The following APBB2 variants were observed in gnomAD, a reference collection of about 807,000 sequenced individuals.
APBB2 encodes Fe65-like 1.
Under a neutral mutation model 82.5 loss-of-function variants are expected in APBB2, and 38 were observed. The observed-to-expected ratio is 0.46, with a 90% confidence interval of 0.36 to 0.60. The LOEUF (loss-of-function observed/expected upper bound fraction) is 0.60. Among genes scored for constraint, APBB2 ranks in the 20% least tolerant of loss-of-function variants. The pLI, the probability that APBB2 is intolerant of heterozygous loss-of-function variation, is 0.00. For missense variants in APBB2, 772 were observed against 972.3 expected, an observed-to-expected ratio of 0.79 and a Z score of 2.74; for synonymous variants, 341 against 368.2, an observed-to-expected ratio of 0.93 and a Z score of 0.85.
chr4:40,837,192 T>G (rs1754239972), intron 12 of APBB2, among the ~76,000 whole-genome samples: 1 of 151,960 alleles, frequency 6.6e-6, no homozygotes, highest in Non-Finnish European at 1.5e-5. Context: ...GAGGAAAGAG[T>G]GTGTCGGGTG....
chr4:40,900,091 AACGAAAAGAGTTC>A (rs1471961638), intron 10 of APBB2, among the ~76,000 whole-genome samples: 1 of 152,240 alleles, frequency 6.6e-6, no homozygotes, highest in African/African-American at 2.4e-5. Flanking sequence ...GATGTTAGAA[AACGAAAAGAGTTC>A]ACATCAAAAA....
chr4:41,106,781 T>A (rs1747420783), intron 2 of APBB2, among the ~76,000 whole-genome samples: 1 of 152,120 alleles, frequency 6.6e-6, no homozygotes, highest in Non-Finnish European at 1.5e-5. Flanking sequence ...TGGCCTAGAT[T>A]AGGTACATTT....
chr4:40,871,438 C>G (rs1765499643), intron 12 of APBB2, among the ~76,000 whole-genome samples: 1 of 152,264 alleles, frequency 6.6e-6, no homozygotes, highest in African/African-American at 2.4e-5. Flanking sequence ...AGCCACCGCA[C>G]CCGGCCTCAA....
At chr4:41,084,269 A>G (rs1042015750) in intron 3 of APBB2, among the ~76,000 whole-genome samples, 4 of 152,156 alleles carry the variant, frequency 2.6e-5, no homozygotes, top group Non-Finnish European at 5.9e-5. Flanking sequence ...TACTGAAAAT[A>G]CAAAATTAAC....
At position 40,903,473 on chromosome 4, in the gene APBB2, AT is replaced by A. The variant is rs1775891784; in HGVS notation, c.1255-10063del. On this transcript the variant is annotated intron_variant, in intron 10 of 17. Coordinates refer to ENST00000508593, the MANE Select transcript of APBB2 (RefSeq NM_004307.2). ...CAGAGTGAGACTCCGTCTCAAAAAA[AT>A]AAATAGATAAAAAATGATGCAAGAA... is the stretch of plus-strand genomic sequence containing the variant. Among the ~76,000 whole-genome samples, 4 of 152,208 alleles carry A rather than the reference AT, an allele frequency of 2.6e-5. No individual in the cohort carries two copies. In the South Asian group the frequency reaches 8.3e-4, roughly 32 times the overall value.
chr4:41,202,647 G>C (rs7691440), intron 1 of APBB2, among the ~76,000 whole-genome samples: 1 of 151,960 alleles, frequency 6.6e-6, no homozygotes, highest in African/African-American at 2.4e-5. Context: ...TTCACATTGC[G>C]TTGTTTAACT....
At chr4:40,921,333 G>A (rs1781205760) in intron 10 of APBB2, among the ~76,000 whole-genome samples, 2 of 152,316 alleles carry the variant, frequency 1.3e-5, no homozygotes, top group South Asian at 4.1e-4. Context: ...TGATTTTAAG[G>A]AAGTTGTTTA....
chr4:41,134,380 C>T lies in APBB2; in HGVS notation c.-261+8607G>A, dbSNP rs1400475179. Among the ~76,000 whole-genome samples, 4 of 152,068 alleles carry T rather than the reference C, an allele frequency of 2.6e-5. No individual in the cohort carries two copies. In the East Asian group the frequency reaches 7.8e-4, roughly 30 times the overall value. On this transcript the variant is annotated intron_variant, in intron 2 of 17. Coordinates refer to ENST00000508593, the MANE Select transcript of APBB2 (RefSeq NM_004307.2). The stretch of plus-strand genomic sequence containing the variant: ...TGATCACAAGGTCAGGAGATGGAGA[C>T]CATCCTGGCTAACATGGTGAAACCC...
intron 1 of APBB2, among the ~76,000 whole-genome samples, chr4:41,169,571 T>C (rs145568122): frequency 1.3e-5 from 2 of 152,280 alleles, no homozygotes; most frequent in East Asian, 1.9e-4. Flanking sequence ...TCCTAAATGG[T>C]TGTCAAAGCT....
At chr4:41,010,137 T>C (rs567555929) in intron 6 of APBB2, among the ~76,000 whole-genome samples, 20 of 152,328 alleles carry the variant, frequency 1.3e-4, no homozygotes, top group South Asian at 4.1e-4. Flanking sequence ...TGACTATTAA[T>C]ATTGAGACAG....
At chr4:40,995,818 G>C (rs1342747144) in intron 6 of APBB2, among the ~76,000 whole-genome samples, 2 of 151,990 alleles carry the variant, frequency 1.3e-5, no homozygotes, top group East Asian at 1.9e-4. Flanking sequence ...TTACAGGTGT[G>C]AGCCACCGTG....
At chr4:40,931,814 A>C (rs1409931181) in intron 10 of APBB2, among the ~76,000 whole-genome samples, 1 of 150,304 alleles carries the variant, frequency 6.7e-6, no homozygotes, top group Non-Finnish European at 1.5e-5. Flanking sequence ...TTTTTTTTTA[A>C]AGTGTTTGTT....
intron 4 of APBB2, among the ~76,000 whole-genome samples, chr4:41,050,733 G>C (rs1405430954): frequency 6.6e-6 from 1 of 152,172 alleles, no homozygotes; most frequent in African/African-American, 2.4e-5. Context: ...AGAAGAGGAA[G>C]GAAAGAGAAA....
intron 12 of APBB2, among the ~76,000 whole-genome samples, chr4:40,834,653 A>C (rs1463588995): frequency 6.6e-6 from 1 of 152,104 alleles, no homozygotes; most frequent in Admixed American, 6.5e-5. Flanking sequence ...ACTCTGGACT[A>C]TCTAGGTGGG....
chr4:41,072,776 A>C (rs1205139041), intron 3 of APBB2, among the ~76,000 whole-genome samples: 2 of 152,252 alleles, frequency 1.3e-5, no homozygotes, highest in Non-Finnish European at 2.9e-5. Flanking sequence ...GAATCTCCAG[A>C]AACACAACAA....
chr4:41,036,362 CCAAA>C (rs1391941271), intron 4 of APBB2, among the ~76,000 whole-genome samples: 8 of 152,134 alleles, frequency 5.3e-5, no homozygotes, highest in Non-Finnish European at 1.0e-4. Context: ...GTTTCCCTGA[CCAAA>C]CAAACTCCAA....
chr4:41,148,928 G>A lies in APBB2; in HGVS notation c.-416-5786C>T, dbSNP rs1350390219. Among the ~76,000 whole-genome samples, 5 of 152,156 alleles carry A rather than the reference G, an allele frequency of 3.3e-5. No individual in the cohort carries two copies. The East Asian group carries it at 7.7e-4, about 23-fold the overall frequency. ...TACATATAGGAAATAGAAACGAGCA[G>A]CAATGCTACGTCTGCTTCAATACAA... On this transcript the variant is annotated intron_variant, in intron 1 of 17. Coordinates refer to ENST00000508593, the MANE Select transcript of APBB2 (RefSeq NM_004307.2).
intron 6 of APBB2, among the ~76,000 whole-genome samples, chr4:41,006,682 T>A (rs1386895667): frequency 6.6e-6 from 1 of 152,130 alleles, no homozygotes; most frequent in Non-Finnish European, 1.5e-5. Context: ...GCCAGGGTGG[T>A]CTCAAACTCC....
At chr4:41,204,915 T>C (rs944134091) in intron 1 of APBB2, among the ~76,000 whole-genome samples, 1 of 152,196 alleles carries the variant, frequency 6.6e-6, no homozygotes, top group Non-Finnish European at 1.5e-5. Flanking sequence ...AATTATGTTA[T>C]GAAAATTCAA....
Sources: gnomAD v4.1 joint callset for allele counts (sites outside exome capture counted in the v4.1 genomes callset) on GRCh38, gnomAD v4.1.1 for gene constraint, MANE v1.5 for transcripts, NCBI Gene and HGNC (gene_info 2026-07-23, HGNC 2026-07-21) for gene names.